The following BBX variants were observed in gnomAD, a reference collection of about 807,000 sequenced individuals.
BBX encodes the protein BBX high mobility group box domain containing, also known as HMG box transcription factor BBX.
A neutral mutation model predicts 100.2 loss-of-function variants in BBX; 30 were observed. That is an observed-to-expected ratio of 0.30 (90% CI 0.22 to 0.41). The LOEUF (loss-of-function observed/expected upper bound fraction) is 0.41, where lower values mean the gene tolerates loss of function less well. Ranked by LOEUF, BBX falls within the 10% of genes least tolerant of loss-of-function variation. The pLI is 1.00. For missense variants in BBX, 1,023 were observed against 1,129.8 expected (o/e 0.91, Z 1.35); for synonymous variants, 376 against 388.1 (o/e 0.97, Z 0.37).
chr3:107,713,768 ATCT>A (rs1374677598), intron 4 of BBX, among the ~76,000 whole-genome samples: 1 of 151,984 alleles, frequency 6.6e-6, no homozygotes, highest in Non-Finnish European at 1.5e-5. Context: ...GGCACAGATC[ATCT>A]TCTTCATCCT....
At chr3:107,629,934 T>A (rs1170083027) in intron 2 of BBX, among the ~76,000 whole-genome samples, 1 of 152,182 alleles carries the variant, frequency 6.6e-6, no homozygotes, top group Non-Finnish European at 1.5e-5. Context: ...GATGCGTGTC[T>A]GTAGAGGTAC....
At chr3:107,532,378 T>C (rs893752191) in intron 2 of BBX, among the ~76,000 whole-genome samples, 7 of 152,190 alleles carry the variant, frequency 4.6e-5, no homozygotes, top group Non-Finnish European at 1.0e-4. Flanking sequence ...AATGGTGCTA[T>C]AATGAAAACT....
chr3:107,557,508 C>T (rs143876457), intron 2 of BBX, among the ~76,000 whole-genome samples: 79 of 152,346 alleles, frequency 5.2e-4, no homozygotes, highest in African/African-American at 1.8e-3. Context: ...AAGAGTCAGT[C>T]ACATTCATTG....
intron 3 of BBX, among the ~76,000 whole-genome samples, chr3:107,646,367 T>C (rs992312208): frequency 2.6e-5 from 4 of 152,144 alleles, no homozygotes; most frequent in Admixed American, 2.0e-4. Context: ...AGCTGCATCT[T>C]GAAATCACTT....
intron 16 of BBX, among the ~76,000 whole-genome samples, chr3:107,799,881 C>T (rs902315336): frequency 1.6e-4 from 25 of 152,160 alleles, no homozygotes; most frequent in Admixed American, 1.4e-3. Context: ...ACCCCCCGGC[C>T]GCAAAATCTT....
chr3:107,808,712 T>C lies in BBX; in HGVS notation c.*3255T>C, dbSNP rs1463376482. ...CAGCCACATTGGAAATACAGGTTCT[T>C]GTCCCCAAATTAGGTTAGTTCCCAG... On this transcript the variant is annotated 3_prime_UTR_variant, in exon 18 of 18. Transcript: ENST00000325805. 1.3e-5 allele frequency: 2 copies of C among 152,234 alleles called. No homozygotes were observed. The highest frequency in any genetic ancestry group is 2.9e-5 in the Non-Finnish European group (2 of 68,034). The allele number at this position is 152,234 out of a possible 1,614,324, so 9.4% of individuals were successfully genotyped here.
intron 5 of BBX, among the ~76,000 whole-genome samples, chr3:107,718,948 C>T (rs1225789999): frequency 1.3e-5 from 2 of 152,016 alleles, no homozygotes; most frequent in African/African-American, 4.8e-5. Flanking sequence ...GATCTCTAGT[C>T]GTAAGTGATT....
intron 3 of BBX, among the ~76,000 whole-genome samples, chr3:107,704,401 C>T (rs1218900707): frequency 2.0e-5 from 3 of 152,152 alleles, no homozygotes; most frequent in African/African-American, 7.2e-5. Context: ...AAGGTCACAA[C>T]CTTTTGTGGA....
At chr3:107,590,333 A>G (rs144884758) in intron 2 of BBX, among the ~76,000 whole-genome samples, 72 of 152,294 alleles carry the variant, frequency 4.7e-4, no homozygotes, top group Non-Finnish European at 9.0e-4. Flanking sequence ...GTGTGTAATG[A>G]TCAGATCAGC....
intron 5 of BBX, among the ~76,000 whole-genome samples, chr3:107,727,422 G>A (rs1301936211): frequency 6.6e-6 from 1 of 152,026 alleles, no homozygotes; most frequent in East Asian, 1.9e-4. Flanking sequence ...CTCCTAACAC[G>A]TTCTGCTTTT....
chr3:107,755,408 A>G (rs1269105376), intron 9 of BBX, among the ~76,000 whole-genome samples, 190 bp from the exon 10 acceptor site: 7 of 152,170 alleles, frequency 4.6e-5, no homozygotes, highest in Non-Finnish European at 1.0e-4. Flanking sequence ...TACTTTTGTT[A>G]TTATTTTTGA....
At chr3:107,786,195 T>C (rs1347238537) in intron 13 of BBX, among the ~76,000 whole-genome samples, 1 of 152,042 alleles carries the variant, frequency 6.6e-6, no homozygotes, top group Admixed American at 6.6e-5. Flanking sequence ...AAACATCCCA[T>C]GTTCATGGAT....
chr3:107,779,649 A>G (rs1358880461), intron 13 of BBX, among the ~76,000 whole-genome samples: 1 of 152,166 alleles, frequency 6.6e-6, no homozygotes, highest in East Asian at 1.9e-4. Context: ...TAAATAGACC[A>G]ATTAATCGAT....
intron 3 of BBX, among the ~76,000 whole-genome samples, chr3:107,661,548 C>T (rs1353205961): frequency 1.3e-5 from 2 of 152,088 alleles, no homozygotes; most frequent in African/African-American, 2.4e-5. Flanking sequence ...AAAACCATGG[C>T]AATAACTTCA....
intron 3 of BBX, among the ~76,000 whole-genome samples, chr3:107,675,878 T>C (rs553777182): frequency 6.6e-6 from 1 of 152,312 alleles, no homozygotes; most frequent in Admixed American, 6.5e-5. Flanking sequence ...CTATCAAGTC[T>C]ATATTGAAGG....
At position 107,798,503 on chromosome 3, in the gene BBX, C is replaced by T. The variant is rs774790867; in HGVS notation, c.2354-20C>T. 5 of 1,607,946 alleles carry T rather than the reference C, an allele frequency of 3.1e-6. No homozygotes were observed. The Middle Eastern group carries it at 6.6e-4, about 212-fold the overall frequency. ...CCTTCTGTTTTTGTGCATAACTATG[C>T]ATGGTATTTCCTATTTCAGCCATAT... On this transcript the variant is annotated intron_variant, in intron 15 of 17. Transcript: ENST00000325805.
At chr3:107,674,832 G>A (rs2059201963) in intron 3 of BBX, 1 of 152,542 alleles carries the variant, frequency 6.6e-6, no homozygotes, top group Admixed American at 6.6e-5. Context: ...TTAGGGCAAG[G>A]CCTGGTAAGT....
chr3:107,540,621 C>T (rs879410756), intron 2 of BBX, among the ~76,000 whole-genome samples: 2 of 152,104 alleles, frequency 1.3e-5, no homozygotes, highest in South Asian at 2.1e-4. Flanking sequence ...TAGAGGTACT[C>T]TAGTGACCAA....
chr3:107,672,222 T>C (rs1332499166), intron 3 of BBX, among the ~76,000 whole-genome samples: 1 of 152,074 alleles, frequency 6.6e-6, no homozygotes, highest in Non-Finnish European at 1.5e-5. Context: ...AAAATAATTA[T>C]GTTAATTATA....
Sources: allele counts gnomAD v4.1 joint callset (sites outside exome capture counted in the v4.1 genomes callset), GRCh38; gene constraint gnomAD v4.1.1; transcripts MANE v1.5; gene names NCBI Gene and HGNC (gene_info 2026-07-23, HGNC 2026-07-21).